FOCAD: variants seen among roughly 807,000 people sequenced by gnomAD.
FOCAD encodes focadhesin, also known as KIAA1797.
Under a neutral mutation model 225.6 loss-of-function variants are expected in FOCAD, and 198 were observed. That is an observed-to-expected ratio of 0.88 (90% CI 0.78 to 0.99). The LOEUF is 0.99. Ranked by LOEUF, FOCAD falls within the 50% of genes least tolerant of loss-of-function variation. FOCAD has a pLI of 0.00. For synonymous variants in FOCAD, 897 were observed against 755.0 expected (o/e 1.19, Z -3.08); for missense variants, 2,713 against 2,123.6 (o/e 1.28, Z -5.46).
At chr9:20,871,919 A>AT in intron 18 of FOCAD, among the ~76,000 whole-genome samples, 3 of 19,238 alleles carry the variant, frequency 1.6e-4, no homozygotes, top group African/African-American at 1.1e-3. Context: ...AATAATAATA[A>AT]AATAAAAAAA....
intron 28 of FOCAD, among the ~76,000 whole-genome samples, chr9:20,935,251 G>T (rs1485498081): frequency 6.6e-6 from 1 of 152,138 alleles, no homozygotes; most frequent in Non-Finnish European, 1.5e-5. Flanking sequence ...TTCAGCAATA[G>T]ACAAATTATT....
chr9:20,929,229 A>G, intron 26 of FOCAD, 129 bp from the exon 27 acceptor site: 4 of 668,028 alleles, frequency 6.0e-6, no homozygotes, highest in Non-Finnish European at 2.6e-6. Flanking sequence ...TTTTTAAAAA[A>G]TGTATTATTT....
intron 11 of FOCAD, among the ~76,000 whole-genome samples, chr9:20,791,971 G>T (rs779751890): frequency 2.0e-5 from 3 of 152,192 alleles, no homozygotes; most frequent in East Asian, 3.8e-4. Context: ...ATATTATCCT[G>T]TCTCAGCATT....
At chr9:20,865,884 C>T in intron 16 of FOCAD, 42 bp from the exon 17 acceptor site, 1 of 1,451,600 alleles carries the variant, frequency 6.9e-7, no homozygotes, top group Non-Finnish European at 9.5e-7. Flanking sequence ...TCAGTTTTAG[C>T]TTGGTCTTAA....
chr9:20,739,767 A>T (rs1331316169), intron 4 of FOCAD, among the ~76,000 whole-genome samples: 1 of 152,150 alleles, frequency 6.6e-6, no homozygotes. Context: ...GAAAAAATTT[A>T]AATTGCTATT....
At chr9:20,715,628 A>C (rs1303732370) in intron 2 of FOCAD, among the ~76,000 whole-genome samples, 1 of 152,086 alleles carries the variant, frequency 6.6e-6, no homozygotes, top group African/African-American at 2.4e-5. Flanking sequence ...TTTATATATC[A>C]TACTTTTCTT....
chr9:20,805,045 T>C (rs889131613), intron 11 of FOCAD, among the ~76,000 whole-genome samples: 1 of 152,214 alleles, frequency 6.6e-6, no homozygotes, highest in African/African-American at 2.4e-5. Flanking sequence ...TCTGTAATAG[T>C]TTCCGCAGGG....
chr9:20,923,450 T>C (rs1159525067), intron 24 of FOCAD, among the ~76,000 whole-genome samples: 1 of 152,208 alleles, frequency 6.6e-6, no homozygotes. Context: ...TGACCCATAC[T>C]ACATTGATAA....
Position 20,838,723 on chromosome 9 carries a change from C to G in FOCAD, c.1920+15608C>G, listed in dbSNP as rs1587360422. ...TTATAGATAGCTTAGGCTACTGAAT[C>G]CAAATCTCTAGAGATAAAGCTTAGA... On this transcript the variant is annotated intron_variant, in intron 15 of 43. Coordinates refer to ENST00000338382, the MANE Select transcript of FOCAD (RefSeq NM_001375567.1). 1.3e-5 allele frequency among the ~76,000 whole-genome samples: 2 copies of G among 152,126 alleles called. 1 individual carries two copies. Among genetic ancestry groups the G allele is most frequent in the South Asian group, 4.2e-4 (2 of 4,816 alleles).
intron 4 of FOCAD, among the ~76,000 whole-genome samples, chr9:20,736,866 A>G (rs941819388): frequency 9.2e-5 from 14 of 152,040 alleles, no homozygotes; most frequent in African/African-American, 1.2e-4. Context: ...AGGGGTTTAA[A>G]TAAATATTAA....
chr9:20,958,974 A>G (rs1439383926), intron 35 of FOCAD, among the ~76,000 whole-genome samples: 1 of 152,182 alleles, frequency 6.6e-6, no homozygotes, highest in Non-Finnish European at 1.5e-5. Context: ...TGTCATGGCT[A>G]TTGTGAATAG....
rs553073756 is a variant in FOCAD at position 20,904,415 on chromosome 9, T to C, written c.2626-2735T>C. Among the ~76,000 whole-genome samples, 13 of 152,046 alleles carry C rather than the reference T, an allele frequency of 8.6e-5. No homozygotes were observed. The South Asian group carries it at 2.7e-3, about 31-fold the overall frequency. On this transcript the variant is annotated intron_variant, in intron 21 of 43. Coordinates refer to ENST00000338382, the MANE Select transcript of FOCAD (RefSeq NM_001375567.1). ...TCTTTACATCCTCACCTCCTCCAAG[T>C]TTTTGCCCATACTTTACCTTCTCTA... is the stretch of plus-strand genomic sequence containing the variant.
At chr9:20,991,233 A>G (rs1031869514) in intron 42 of FOCAD, among the ~76,000 whole-genome samples, 21 of 152,200 alleles carry the variant, frequency 1.4e-4, no homozygotes, top group Admixed American at 1.4e-3. Context: ...TGTACTTCTC[A>G]TTATATGTTT....
At chr9:20,831,956 G>C (rs1263437847) in intron 15 of FOCAD, among the ~76,000 whole-genome samples, 1 of 151,900 alleles carries the variant, frequency 6.6e-6, no homozygotes, top group East Asian at 1.9e-4. Context: ...ACAATATATT[G>C]CCCTTTGTGT....
rs556371807 is a variant in FOCAD at position 20,810,070 on chromosome 9, AG to A, written c.1456-9725del. Among the ~76,000 whole-genome samples, 908 of 152,286 alleles carry A rather than the reference AG, an allele frequency of 6.0e-3. 7 individuals carry two copies. Among genetic ancestry groups the A allele is most frequent in the South Asian group, 0.029 (138 of 4,830 alleles). ...TGTAACCATGCTTAAGATTTATTAC[AG>A]TGAAAGGATAGAAAGCAAAATTAAC... On this transcript the variant is annotated intron_variant, in intron 11 of 43. Transcript: ENST00000338382.
At chr9:20,658,358 C>G (rs952607454) in exon 1 of FOCAD, 2 of 172,408 alleles carry the variant, frequency 1.2e-5, no homozygotes, top group African/African-American at 4.8e-5. Context: ...TGGGCAATGG[C>G]GGGCGCCCCT....
intron 15 of FOCAD, among the ~76,000 whole-genome samples, chr9:20,849,818 A>G (rs1048011926): frequency 6.6e-6 from 1 of 151,864 alleles, no homozygotes; most frequent in Non-Finnish European, 1.5e-5. Flanking sequence ...CTATCCTTTC[A>G]TAATTGCCTC....
At chr9:20,903,774 G>T (rs13288653) in intron 21 of FOCAD, among the ~76,000 whole-genome samples, 19,435 of 151,916 alleles carry the variant, frequency 0.13, 1,564 homozygotes, top group East Asian at 0.18. Flanking sequence ...CCATTTTAAA[G>T]TGTGCAATTC....
At chr9:20,803,789 C>G (rs1822101279) in intron 11 of FOCAD, among the ~76,000 whole-genome samples, 1 of 152,022 alleles carries the variant, frequency 6.6e-6, no homozygotes, top group Non-Finnish European at 1.5e-5. Context: ...GTGAAGACAC[C>G]CTAACTCAGT....
Sources: gnomAD v4.1 joint callset for allele counts (sites outside exome capture counted in the v4.1 genomes callset) on GRCh38, gnomAD v4.1.1 for gene constraint, MANE v1.5 for transcripts, NCBI Gene and HGNC (gene_info 2026-07-23, HGNC 2026-07-21) for gene names.